Variants in FOXN3 observed in about 807,000 individuals in gnomAD.
FOXN3 encodes the protein forkhead box N3, also known as forkhead box protein N3.
FOXN3 carries 7 observed loss-of-function variants against 38.4 expected under a neutral mutation model. The observed-to-expected ratio is 0.18, with a 90% confidence interval of 0.10 to 0.34. FOXN3 has a LOEUF of 0.34. Ranked by LOEUF, FOXN3 falls within the 10% of genes least tolerant of loss-of-function variation. The pLI is 1.00. For synonymous variants in FOXN3, 230 were observed against 242.2 expected, an observed-to-expected ratio of 0.95 and a Z score of 0.47; for missense variants, 456 against 613.4, an observed-to-expected ratio of 0.74 and a Z score of 2.71.
At chr14:89,335,811 A>G (rs576747053) in intron 3 of FOXN3, among the ~76,000 whole-genome samples, 6 of 152,318 alleles carry the variant, frequency 3.9e-5, no homozygotes, top group Non-Finnish European at 8.8e-5. Flanking sequence ...TTTTTTTTAA[A>G]AAAACTAAAT....
chr14:89,274,337 T>C (rs1886237256), intron 4 of FOXN3, among the ~76,000 whole-genome samples: 1 of 152,032 alleles, frequency 6.6e-6, no homozygotes, highest in Admixed American at 6.6e-5. Flanking sequence ...TTTTGGAAGT[T>C]TTTTCAACTG....
At chr14:89,472,720 C>CAAAAAA (rs1157948946) in intron 1 of FOXN3, among the ~76,000 whole-genome samples, 3 of 46,604 alleles carry the variant, frequency 6.4e-5, no homozygotes, top group South Asian at 8.0e-4. Context: ...GACCCCATCT[C>CAAAAAA]AAAAAAAAAA....
intron 4 of FOXN3, among the ~76,000 whole-genome samples, chr14:89,265,496 T>C (rs535901821): frequency 6.7e-6 from 1 of 150,204 alleles, no homozygotes; most frequent in African/African-American, 2.4e-5. Context: ...GACACACCAG[T>C]GTAGCCAGAG....
At chr14:89,415,801 G>T (rs1299803242) in intron 1 of FOXN3, among the ~76,000 whole-genome samples, 1 of 135,168 alleles carries the variant, frequency 7.4e-6, no homozygotes, top group African/African-American at 2.7e-5. Context: ...TGCTCCACCA[G>T]ATACGCAAAT....
At chr14:89,551,533 G>A (rs1895005980) in intron 1 of FOXN3, among the ~76,000 whole-genome samples, 1 of 152,120 alleles carries the variant, frequency 6.6e-6, no homozygotes, top group Non-Finnish European at 1.5e-5. Context: ...AAGGTACAGA[G>A]TTCACAGTGC....
intron 4 of FOXN3, among the ~76,000 whole-genome samples, chr14:89,200,105 C>T (rs987851502): frequency 6.6e-6 from 1 of 151,642 alleles, no homozygotes; most frequent in African/African-American, 2.4e-5. Flanking sequence ...CAAACAAACA[C>T]ACACATCTCC....
intron 1 of FOXN3, among the ~76,000 whole-genome samples, chr14:89,568,939 T>C (rs1895426062): frequency 6.6e-6 from 1 of 152,242 alleles, no homozygotes; most frequent in African/African-American, 2.4e-5. Flanking sequence ...GCACGGTGGC[T>C]CACGCCTGTA....
At chr14:89,433,874 G>A (rs907129304) in intron 1 of FOXN3, among the ~76,000 whole-genome samples, 12 of 148,684 alleles carry the variant, frequency 8.1e-5, no homozygotes, top group Non-Finnish European at 1.6e-4. Context: ...TAAAAATACT[G>A]AAATATCCAG....
At chr14:89,579,430 A>G (rs1480775507) in intron 1 of FOXN3, among the ~76,000 whole-genome samples, 5 of 152,182 alleles carry the variant, frequency 3.3e-5, no homozygotes. Context: ...TGCTAGGATT[A>G]CAGGCATCAG....
At chr14:89,251,221 T>C (rs550224179) in intron 4 of FOXN3, among the ~76,000 whole-genome samples, 1 of 152,190 alleles carries the variant, frequency 6.6e-6, no homozygotes, top group Admixed American at 6.5e-5. Context: ...TTCCCACATA[T>C]CCTACATTTC....
intron 1 of FOXN3, among the ~76,000 whole-genome samples, chr14:89,522,301 T>C (rs1484501592): frequency 6.6e-6 from 1 of 152,096 alleles, no homozygotes; most frequent in Non-Finnish European, 1.5e-5. Flanking sequence ...AAGGCTTCCA[T>C]TTCAATAAAT....
intron 4 of FOXN3, among the ~76,000 whole-genome samples, chr14:89,227,705 C>T (rs763528459): frequency 1.2e-4 from 19 of 152,138 alleles, no homozygotes; most frequent in Non-Finnish European, 1.9e-4. Flanking sequence ...GCACAGTCAC[C>T]CTGAGATTAC....
chr14:89,429,790 A>G (rs560621546), intron 1 of FOXN3, among the ~76,000 whole-genome samples: 1 of 152,354 alleles, frequency 6.6e-6, no homozygotes, highest in East Asian at 1.9e-4. Context: ...AAGGTGACTA[A>G]TGAGCTCATT....
chr14:89,251,404 T>C (rs1885451000), intron 4 of FOXN3, among the ~76,000 whole-genome samples: 1 of 152,210 alleles, frequency 6.6e-6, no homozygotes, highest in Non-Finnish European at 1.5e-5. Context: ...CTGTAGCCTA[T>C]GCAAATGGGT....
At chr14:89,234,224 C>T (rs982728637) in intron 4 of FOXN3, among the ~76,000 whole-genome samples, 5 of 152,194 alleles carry the variant, frequency 3.3e-5, no homozygotes, top group Non-Finnish European at 7.3e-5. Context: ...CAAAGTGCCA[C>T]AAACTGAGTT....
chr14:89,435,382 A>G (rs1892255433), intron 1 of FOXN3, among the ~76,000 whole-genome samples: 2 of 151,854 alleles, frequency 1.3e-5, no homozygotes, highest in African/African-American at 2.4e-5. Flanking sequence ...TTAAAAAAAA[A>G]AAAAAAAAAT....
At chr14:89,573,888 G>A in intron 1 of FOXN3, among the ~76,000 whole-genome samples, 1 of 152,222 alleles carries the variant, frequency 6.6e-6, no homozygotes, top group Middle Eastern at 3.4e-3. Flanking sequence ...AAAACTAGCA[G>A]GCTTGGTGTG....
At chr14:89,396,880 C>CCTT (rs554214792) in intron 2 of FOXN3, among the ~76,000 whole-genome samples, 1 of 140,692 alleles carries the variant, frequency 7.1e-6, no homozygotes, top group Non-Finnish European at 1.5e-5. Flanking sequence ...CTGCAGTAGA[C>CCTT]TTTTTTTTTT....
rs546810624 is a variant in FOXN3 at position 89,261,647 on chromosome 14, A to G, written c.745+19303T>C. ...TGTCTGTACTAAAAATACAAAAATT[A>G]GGCCAGGCGTGGTGGCTCACACCTG... On this transcript the variant is annotated intron_variant, in intron 4 of 5. Coordinates refer to ENST00000557258, the MANE Select transcript of FOXN3 (RefSeq NM_005197.4). 2.2e-3 allele frequency among the ~76,000 whole-genome samples: 330 copies of G among 151,808 alleles called. 4 individuals carry two copies. Among genetic ancestry groups the G allele is most frequent in the African/African-American group, 7.6e-3 (313 of 41,380 alleles).
Sources: allele counts gnomAD v4.1 joint callset (sites outside exome capture counted in the v4.1 genomes callset), GRCh38; gene constraint gnomAD v4.1.1; transcripts MANE v1.5; gene names NCBI Gene and HGNC (gene_info 2026-07-23, HGNC 2026-07-21).